The following RPA3 variants were observed in gnomAD, a reference collection of about 807,000 sequenced individuals.
The protein encoded by RPA3 is replication protein A 14 kDa subunit.
A neutral mutation model predicts 13.7 loss-of-function variants in RPA3; 24 were observed. That is an observed-to-expected ratio of 1.75 (90% CI 1.27 to 2.46). The LOEUF (loss-of-function observed/expected upper bound fraction) is 2.46, where lower values mean the gene tolerates loss of function less well. Among genes scored for constraint, RPA3 ranks in the 30% most tolerant of loss-of-function variants. The pLI is 0.00. For missense variants in RPA3, 183 were observed against 151.0 expected (o/e 1.21, Z -1.11); for synonymous variants, 59 against 51.2 (o/e 1.15, Z -0.65).
chr7:7,665,226 T>C (rs1340759864), intron 4 of RPA3, among the ~76,000 whole-genome samples: 2 of 152,142 alleles, frequency 1.3e-5, no homozygotes, highest in Admixed American at 6.5e-5. Flanking sequence ...CTTGGAGTAA[T>C]AGGAAAAAAG....
chr7:7,706,342 A>C (rs1318756039), intron 2 of RPA3, among the ~76,000 whole-genome samples: 1 of 152,156 alleles, frequency 6.6e-6, no homozygotes, highest in Non-Finnish European at 1.5e-5. Flanking sequence ...TTATCACCCT[A>C]GTCTGGGTTT....
chr7:7,708,886 A>C (rs1241067177), intron 2 of RPA3, among the ~76,000 whole-genome samples: 1 of 151,786 alleles, frequency 6.6e-6, no homozygotes, highest in East Asian at 1.9e-4. Context: ...GTTTTTAAGA[A>C]GTTTTTAACC....
intron 4 of RPA3, among the ~76,000 whole-genome samples, chr7:7,670,481 C>T (rs1179871129): frequency 1.3e-5 from 2 of 152,198 alleles, no homozygotes; most frequent in East Asian, 3.8e-4. Context: ...TAAAACAGAG[C>T]TGGTAAACAG....
At chr7:7,686,824 A>T (rs962554753) in intron 3 of RPA3, among the ~76,000 whole-genome samples, 2 of 152,198 alleles carry the variant, frequency 1.3e-5, no homozygotes, top group Non-Finnish European at 1.5e-5. Context: ...ATAAGAAGAA[A>T]TGTTGTGTTG....
chr7:7,696,519 G>T (rs1474492100), intron 2 of RPA3, among the ~76,000 whole-genome samples: 2 of 152,158 alleles, frequency 1.3e-5, no homozygotes, highest in African/African-American at 4.8e-5. Flanking sequence ...TAGTAAAATT[G>T]TAGAAATTCA....
intron 4 of RPA3, among the ~76,000 whole-genome samples, chr7:7,662,329 T>C (rs1451656340): frequency 1.3e-5 from 2 of 152,112 alleles, no homozygotes; most frequent in Non-Finnish European, 2.9e-5. Context: ...GGTTCTGTTT[T>C]GCTGGCGTTC....
intron 4 of RPA3, chr7:7,673,330 GCAGCAGCAGCAGCA>G (rs2115108368): frequency 1.7e-6 from 2 of 1,183,944 alleles, no homozygotes; most frequent in Non-Finnish European, 2.4e-6. Context: ...AGCAGCAGCA[GCAGCAGCAGCAGCA>G]GCAGCAGCAG....
chr7:7,696,336 A>C (rs1340370292), intron 2 of RPA3, among the ~76,000 whole-genome samples: 1 of 151,760 alleles, frequency 6.6e-6, no homozygotes, highest in African/African-American at 2.4e-5. Flanking sequence ...ATGTGGTCTG[A>C]TGGTGAAGTA....
At chr7:7,683,803 G>T (rs567933301) in intron 4 of RPA3, among the ~76,000 whole-genome samples, 1 of 152,116 alleles carries the variant, frequency 6.6e-6, no homozygotes, top group South Asian at 2.1e-4. Flanking sequence ...TTGTATTTTG[G>T]ATAGAGACAG....
chr7:7,717,721 T>C (rs1780952991), intron 1 of RPA3, among the ~76,000 whole-genome samples: 2 of 152,244 alleles, frequency 1.3e-5, no homozygotes, highest in African/African-American at 4.8e-5. Flanking sequence ...TAAAATGCAG[T>C]TTAACAAAGA....
chr7:7,698,951 G>A (rs1780384756), intron 2 of RPA3, among the ~76,000 whole-genome samples: 1 of 150,864 alleles, frequency 6.6e-6, no homozygotes, highest in South Asian at 2.1e-4. Context: ...ACTTCCCTGG[G>A]CTCAGTGATT....
intron 4 of RPA3, among the ~76,000 whole-genome samples, chr7:7,671,206 C>T (rs1024822750): frequency 3.9e-5 from 6 of 152,192 alleles, no homozygotes; most frequent in African/African-American, 7.2e-5. Context: ...TAGTCAGCTT[C>T]GTGTGTCAAT....
At chr7:7,662,470 C>G (rs1785499064) in intron 4 of RPA3, among the ~76,000 whole-genome samples, 1 of 152,218 alleles carries the variant, frequency 6.6e-6, no homozygotes, top group South Asian at 2.1e-4. Context: ...ATCTCCTGGT[C>G]TGTGGGTTGC....
rs1779962924 is a variant in RPA3 at position 7,683,527 on chromosome 7, C to T, written c.-758+2303G>A. On this transcript the variant is annotated intron_variant, in intron 4 of 7. Transcript: ENST00000223129. ...AAAAGCAAATAAAACCACAGAATTTCTGGGTAATTACATTTCCTTCAATAT... is the reference window on the plus strand; with the variant it reads ...AAAAGCAAATAAAACCACAGAATTTTTGGGTAATTACATTTCCTTCAATAT... Among the ~76,000 whole-genome samples, 10 of 152,098 alleles carry T rather than the reference C, an allele frequency of 6.6e-5. 1 individual carries two copies. The South Asian group carries it at 2.1e-3, about 32-fold the overall frequency.
At chr7:7,699,380 C>T (rs1019767999) in intron 2 of RPA3, among the ~76,000 whole-genome samples, 2 of 151,986 alleles carry the variant, frequency 1.3e-5, no homozygotes, top group African/African-American at 2.4e-5. Context: ...ATTTAATATC[C>T]TTAGTTCCTT....
At chr7:7,657,311 G>A (rs1014140866) in intron 4 of RPA3, among the ~76,000 whole-genome samples, 1 of 152,128 alleles carries the variant, frequency 6.6e-6, no homozygotes, top group Non-Finnish European at 1.5e-5. Flanking sequence ...AAGCTCTTTA[G>A]CTTAATTAGA....
intron 4 of RPA3, among the ~76,000 whole-genome samples, chr7:7,665,515 T>C (rs937893697): frequency 3.3e-5 from 5 of 152,258 alleles, no homozygotes; most frequent in Non-Finnish European, 7.3e-5. Flanking sequence ...TGTCAATAAA[T>C]TTTTAAAGAA....
intron 1 of RPA3, among the ~76,000 whole-genome samples, chr7:7,718,217 G>T (rs28912673): frequency 0.16 from 24,376 of 152,124 alleles, 2,282 homozygotes; most frequent in South Asian, 0.2. Context: ...TAACTTGAAT[G>T]TGTTATTTTT....
chr7:7,676,072 A>C (rs1294838361), intron 4 of RPA3: 2 of 398,276 alleles, frequency 5.0e-6, no homozygotes, highest in African/African-American at 4.1e-5. Flanking sequence ...TTCTCTTTTC[A>C]TCATTCATCC....
Sources: allele counts gnomAD v4.1 joint callset (sites outside exome capture counted in the v4.1 genomes callset), GRCh38; gene constraint gnomAD v4.1.1; transcripts MANE v1.5; gene names NCBI Gene and HGNC (gene_info 2026-07-23, HGNC 2026-07-21).